Variants in OSTM1 observed in about 807,000 individuals in gnomAD.
OSTM1 encodes the protein osteoclastogenesis associated transmembrane protein 1, also known as osteopetrosis-associated transmembrane protein 1.
A neutral mutation model predicts 35.4 loss-of-function variants in OSTM1; 26 were observed. The ratio of observed to expected loss-of-function variants is 0.73; its 90% confidence interval spans 0.54 to 1.02. The LOEUF (loss-of-function observed/expected upper bound fraction) is 1.02, where lower values mean the gene tolerates loss of function less well. Ranked by LOEUF, OSTM1 falls within the 50% of genes least tolerant of loss-of-function variation. The pLI, the probability that OSTM1 is intolerant of heterozygous loss-of-function variation, is 0.00. For missense variants in OSTM1, 366 were observed against 409.6 expected, an observed-to-expected ratio of 0.89 and a Z score of 0.92; for synonymous variants, 181 against 165.0, an observed-to-expected ratio of 1.10 and a Z score of -0.75.
At chr6:108,046,502 C>T (rs1187791175) in intron 5 of OSTM1, among the ~76,000 whole-genome samples, 19 of 132,298 alleles carry the variant, frequency 1.4e-4, no homozygotes, top group African/African-American at 4.9e-4. Flanking sequence ...CCACCACGCC[C>T]GGCTAATTTT....
rs1295175436 is a variant in OSTM1 at position 108,044,200 on chromosome 6, T to C, written c.*585A>G. 2.6e-5 allele frequency: 4 copies of C among 152,610 alleles called. No individual in the cohort carries two copies. The highest frequency in any genetic ancestry group is 1.3e-4 in the Admixed American group (2 of 15,274). 9.5% of individuals were successfully genotyped at this position (152,610 alleles called of 1,614,324 possible). On this transcript the variant is annotated 3_prime_UTR_variant, in exon 6 of 6. Coordinates refer to ENST00000193322, the MANE Select transcript of OSTM1 (RefSeq NM_014028.4). ...CCATAAATCTTTTTACAAAGATAAA[T>C]GTAATGTGGCTTACTACTTTTAAAA...
chr6:108,066,401 C>T (rs1054109848), intron 1 of OSTM1, among the ~76,000 whole-genome samples: 1 of 152,082 alleles, frequency 6.6e-6, no homozygotes, highest in African/African-American at 2.4e-5. Flanking sequence ...CATAACAACT[C>T]TATGAAATAG....
chr6:108,054,725 G>A, intron 2 of OSTM1, 138 bp from the exon 3 acceptor site: 1 of 474,612 alleles, frequency 2.1e-6, no homozygotes, highest in Non-Finnish European at 3.8e-6. Flanking sequence ...CCAAATATAT[G>A]AAGCTTACTC....
chr6:108,053,270 T>G (rs1164220977), intron 3 of OSTM1, among the ~76,000 whole-genome samples: 3 of 152,226 alleles, frequency 2.0e-5, no homozygotes, highest in Non-Finnish European at 4.4e-5. Context: ...ATTTTCCATT[T>G]AATATTTTTG....
rs527502599 is a variant in OSTM1 at position 108,062,100 on chromosome 6, A to G, written c.517+2085T>C. On this transcript the variant is annotated intron_variant, in intron 2 of 5. Coordinates refer to ENST00000193322, the MANE Select transcript of OSTM1 (RefSeq NM_014028.4). ...TTTTTCTGTTTTCTATATCATACCC[A>G]TGATAAAGTTTAATTTATAAATTAG... 5.3e-5 allele frequency among the ~76,000 whole-genome samples: 8 copies of G among 152,078 alleles called. No individual in the cohort carries two copies. The East Asian group carries it at 1.5e-3, about 29-fold the overall frequency.
At chr6:108,050,985 C>T in intron 4 of OSTM1, 46 bp downstream of exon 4, 1 of 1,455,514 alleles carries the variant, frequency 6.9e-7, no homozygotes, top group South Asian at 1.1e-5. Context: ...AAGGTACATT[C>T]AATAACACTC....
intron 2 of OSTM1, among the ~76,000 whole-genome samples, chr6:108,057,342 T>C (rs370094045): frequency 6.6e-6 from 1 of 152,328 alleles, no homozygotes; most frequent in African/African-American, 2.4e-5. Flanking sequence ...TTTGTACATG[T>C]TTACAAAAAC....
intron 1 of OSTM1, among the ~76,000 whole-genome samples, chr6:108,069,872 T>C (rs926053284): frequency 3.9e-5 from 6 of 152,228 alleles, no homozygotes; most frequent in African/African-American, 1.4e-4. Flanking sequence ...CTGTACCACA[T>C]AAATAGCTTA....
chr6:108,042,562 C>A lies in OSTM1; in HGVS notation c.*2223G>T, dbSNP rs927904288. The A allele has an allele frequency of 6.6e-6, 1 of 151,874 alleles. No individual in the cohort carries two copies. Among genetic ancestry groups the A allele is most frequent in the Non-Finnish European group, 1.5e-5 (1 of 67,986 alleles). 9.4% of individuals were successfully genotyped at this position (151,874 alleles called of 1,614,324 possible). A position where few individuals can be genotyped will look rare whatever the true frequency, so the allele number is the denominator to read the frequency against. On this transcript the variant is annotated 3_prime_UTR_variant, in exon 6 of 6. Transcript: ENST00000193322. ...TCCCAAGTAGCTAGGACTACAGGCA[C>A]TTACCACCATACCCAGCTAATTTTT... is the stretch of plus-strand genomic sequence containing the variant.
intron 3 of OSTM1, 61 bp from the exon 4 acceptor site, chr6:108,051,259 T>G: frequency 1.6e-6 from 2 of 1,260,580 alleles, no homozygotes; most frequent in Middle Eastern, 2.4e-4. Context: ...ATCTCTTTAA[T>G]GTAAGCTATT....
chr6:108,053,683 C>G (rs1772121474), intron 3 of OSTM1, among the ~76,000 whole-genome samples: 1 of 152,124 alleles, frequency 6.6e-6, no homozygotes, highest in South Asian at 2.1e-4. Context: ...CCAGGTTGAT[C>G]TCGAACTCCT....
chr6:108,049,596 AC>A, intron 4 of OSTM1, 178 bp from the exon 5 acceptor site: 1 of 1,411,000 alleles, frequency 7.1e-7, no homozygotes, highest in South Asian at 1.6e-5. Flanking sequence ...GGTTCAAAAT[AC>A]AGTCATTGTA....
In OSTM1 at chr6:108,074,478, C is replaced by G. The variant is rs1196642370; in HGVS notation, c.174G>C (p.Leu58Phe). The change falls in exon 1 of 6, where the codon TTG becomes TTC. Residue 58 changes from leucine (L) to phenylalanine (F), a missense_variant. Physicochemically the swap from Leu to Phe is conservative, Grantham distance 22. Around this residue, in one of 3 missense-constraint regions of OSTM1, gnomAD observed 236 missense variants for 239.3 expected, o/e 0.99. Coordinates refer to ENST00000193322, the MANE Select transcript of OSTM1 (RefSeq NM_014028.4). ...CTCCACCCTGCAGGAGGGACAGGGA[C>G]AAGTCCTCCACCTCCAGCAACTGCT... ...SEQQLLEVED[L>F]SLSLLQGGGL... 2 of 1,557,496 alleles carry G rather than the reference C, an allele frequency of 1.3e-6. No individual in the cohort carries two copies. The highest frequency in any genetic ancestry group is 2.7e-5 in the African/African-American group (2 of 73,384).
intron 2 of OSTM1, among the ~76,000 whole-genome samples, chr6:108,055,954 C>A (rs1319763072): frequency 6.6e-6 from 1 of 152,176 alleles, no homozygotes; most frequent in Non-Finnish European, 1.5e-5. Flanking sequence ...CAGATAGGAT[C>A]TCTCTCAACT....
At chr6:108,069,520 T>C (rs1382782938) in intron 1 of OSTM1, among the ~76,000 whole-genome samples, 1 of 152,164 alleles carries the variant, frequency 6.6e-6, no homozygotes, top group Non-Finnish European at 1.5e-5. Context: ...GATCTATAGA[T>C]CTAAATTTTA....
intron 5 of OSTM1, among the ~76,000 whole-genome samples, chr6:108,046,310 G>A (rs375795246): frequency 1.4e-5 from 2 of 145,834 alleles, no homozygotes; most frequent in African/African-American, 5.1e-5. Context: ...GTGAGCCACC[G>A]TGCCTGGCCT....
At chr6:108,071,132 G>A (rs1772475550) in intron 1 of OSTM1, among the ~76,000 whole-genome samples, 3 of 151,536 alleles carry the variant, frequency 2.0e-5, no homozygotes, top group Non-Finnish European at 4.4e-5. Flanking sequence ...AGCTTGCAGT[G>A]AGCTGAGATT....
chr6:108,072,755 TTTTA>T (rs1360415470), intron 1 of OSTM1, among the ~76,000 whole-genome samples: 1 of 152,134 alleles, frequency 6.6e-6, no homozygotes, highest in Non-Finnish European at 1.5e-5. Flanking sequence ...TTTATTTTAT[TTTTA>T]TTTATTTATT....
At position 108,074,704 on chromosome 6, in the gene OSTM1, G is replaced by A. The variant is rs950771556; in HGVS notation, c.-53C>T. 4 of 1,458,774 alleles carry A rather than the reference G, an allele frequency of 2.7e-6. No homozygotes were observed. Among genetic ancestry groups the A allele is most frequent in the South Asian group, 2.7e-5 (2 of 75,164 alleles). The allele number at this position is 1,458,774 out of a possible 1,614,324, so 90.4% of individuals were successfully genotyped here. ...CACCGCCGCCTCTCCGCCCCCAGCC[G>A]GCACCGCGGACAGCCGCCGCTTCCG... On this transcript the variant is annotated 5_prime_UTR_variant, in exon 1 of 6. Transcript: ENST00000193322.
Sources: gnomAD v4.1 joint callset for allele counts (sites outside exome capture counted in the v4.1 genomes callset) on GRCh38, gnomAD v4.1.1 for gene constraint, gnomAD v4.1.1 regional missense constraint, MANE v1.5 for transcripts, NCBI Gene and HGNC (gene_info 2026-07-23, HGNC 2026-07-21) for gene names.